The following VAV3 variants were observed in gnomAD, a reference collection of about 807,000 sequenced individuals.
VAV3 encodes guanine nucleotide exchange factor VAV3.
VAV3 carries 94 observed loss-of-function variants against 131.2 expected under a neutral mutation model. The observed-to-expected ratio is 0.72, with a 90% CI of 0.61 to 0.85. The LOEUF is 0.85. Ranked by LOEUF, VAV3 falls within the 40% of genes least tolerant of loss-of-function variation. The pLI is 0.00. For synonymous variants in VAV3, 349 were observed against 342.0 expected (o/e 1.02, Z -0.22); for missense variants, 939 against 1,002.7 (o/e 0.94, Z 0.86).
intron 25 of VAV3, among the ~76,000 whole-genome samples, chr1:107,580,613 G>A (rs1055651212): frequency 2.0e-5 from 3 of 152,092 alleles, no homozygotes; most frequent in Non-Finnish European, 4.4e-5. Flanking sequence ...ACTGTAGCGT[G>A]ACTTATTGTT....
intron 2 of VAV3, among the ~76,000 whole-genome samples, chr1:107,812,206 T>C (rs1430356409): frequency 2.0e-5 from 3 of 152,188 alleles, no homozygotes; most frequent in Admixed American, 6.5e-5. Flanking sequence ...TACATTAAAT[T>C]ACAATGCTGT....
intron 2 of VAV3, among the ~76,000 whole-genome samples, chr1:107,843,550 T>C (rs1387013550): frequency 5.4e-5 from 8 of 148,804 alleles, no homozygotes. Flanking sequence ...TATATATATA[T>C]TTATATATAT....
At chr1:107,609,709 C>T (rs993652513) in intron 22 of VAV3, 7 of 488,312 alleles carry the variant, frequency 1.4e-5, no homozygotes, top group Admixed American at 3.3e-5. Context: ...AATTATCAGT[C>T]TAGGGCACTG....
intron 1 of VAV3, among the ~76,000 whole-genome samples, chr1:107,953,602 C>T (rs1032923919): frequency 3.3e-5 from 5 of 152,064 alleles, no homozygotes; most frequent in Non-Finnish European, 5.9e-5. Context: ...GCTATAAGTA[C>T]AGAAGCCAGA....
intron 1 of VAV3, among the ~76,000 whole-genome samples, chr1:107,947,303 A>G (rs1674316506): frequency 6.6e-6 from 1 of 152,242 alleles, no homozygotes; most frequent in East Asian, 1.9e-4. Flanking sequence ...CAAGTCTTAT[A>G]TTCAATGAAT....
At chr1:107,937,472 AACCATGTAATTCTT>A (rs930233101) in intron 1 of VAV3, among the ~76,000 whole-genome samples, 2 of 152,226 alleles carry the variant, frequency 1.3e-5, no homozygotes, top group African/African-American at 4.8e-5. Context: ...GGAGGACAAG[AACCATGTAATTCTT>A]AAACTTACAC....
At chr1:107,634,874 C>T (rs1179655965) in intron 20 of VAV3, among the ~76,000 whole-genome samples, 3 of 152,062 alleles carry the variant, frequency 2.0e-5, no homozygotes, top group African/African-American at 4.8e-5. Context: ...AAAAAATGCT[C>T]ATCATCACTT....
In VAV3 at chr1:107,772,850, C is replaced by T; in HGVS notation, c.447-7G>A. 1 of 1,608,330 alleles carries T rather than the reference C, an allele frequency of 6.2e-7. No homozygotes were observed. The highest frequency in any genetic ancestry group is 1.3e-5 in the African/African-American group (1 of 74,888). ...ATCTTCCACAAGGGTTTCACTACAACAAAGGATATCATATAAGGTCATTTT... is the reference window on the plus strand; with the variant it reads ...ATCTTCCACAAGGGTTTCACTACAATAAAGGATATCATATAAGGTCATTTT... On this transcript the variant is annotated splice_region_variant and splice_polypyrimidine_tract_variant and intron_variant, in intron 4 of 26. Transcript: ENST00000370056.
intron 2 of VAV3, among the ~76,000 whole-genome samples, chr1:107,796,993 T>C (rs2102289527): frequency 6.6e-6 from 1 of 152,190 alleles, no homozygotes; most frequent in Admixed American, 6.5e-5. Context: ...TAAGTGAAAA[T>C]ACTCCTATAA....
intron 22 of VAV3, among the ~76,000 whole-genome samples, chr1:107,608,681 C>T (rs115841294): frequency 0.025 from 3,845 of 152,180 alleles, 72 homozygotes; most frequent in Non-Finnish European, 0.038. Flanking sequence ...TGGAGGAGGG[C>T]CCGAGGAGAG....
chr1:107,807,061 T>C (rs556330624), intron 2 of VAV3, among the ~76,000 whole-genome samples: 1 of 152,304 alleles, frequency 6.6e-6, no homozygotes, highest in African/African-American at 2.4e-5. Context: ...GTTTTCCATC[T>C]CTGGTTGGTT....
chr1:107,735,513 G>A (rs1444447476), intron 15 of VAV3, among the ~76,000 whole-genome samples: 1 of 152,040 alleles, frequency 6.6e-6, no homozygotes, highest in African/African-American at 2.4e-5. Flanking sequence ...AATAAAAAAT[G>A]ATAAAGGGGA....
At chr1:107,870,782 T>C (rs529483248) in intron 2 of VAV3, among the ~76,000 whole-genome samples, 188 of 152,232 alleles carry the variant, frequency 1.2e-3, no homozygotes, top group African/African-American at 4.4e-3. Context: ...ACTATCCTAT[T>C]GCAATTCAAA....
intron 2 of VAV3, among the ~76,000 whole-genome samples, 193 bp downstream of exon 2, chr1:107,874,708 G>A (rs1670405610): frequency 2.2e-5 from 3 of 136,052 alleles, no homozygotes; most frequent in Non-Finnish European, 4.7e-5. Flanking sequence ...TGGTGTTGTT[G>A]TTGTATGTGT....
chr1:107,944,662 T>C (rs1287671216), intron 1 of VAV3, among the ~76,000 whole-genome samples: 1 of 152,182 alleles, frequency 6.6e-6, no homozygotes, highest in African/African-American at 2.4e-5. Context: ...TGGAGTGCAG[T>C]GGCACAATCT....
At chr1:107,613,755 C>G (rs891724901) in intron 21 of VAV3, among the ~76,000 whole-genome samples, 1 of 152,012 alleles carries the variant, frequency 6.6e-6, no homozygotes, top group Non-Finnish European at 1.5e-5. Flanking sequence ...TTGCCTAGGA[C>G]TTTATGTTAA....
At chr1:107,803,186 C>T (rs1382790941) in intron 2 of VAV3, among the ~76,000 whole-genome samples, 1 of 151,692 alleles carries the variant, frequency 6.6e-6, no homozygotes, top group African/African-American at 2.4e-5. Flanking sequence ...TGTTATGTCG[C>T]CTTTCTTGTT....
At chr1:107,777,147 G>C in intron 4 of VAV3, 84 bp downstream of exon 4, 1 of 1,231,258 alleles carries the variant, frequency 8.1e-7, no homozygotes, top group Non-Finnish European at 1.2e-6. Context: ...CCTTCAGATA[G>C]CTTACTTTAA....
chr1:107,776,556 G>A (rs1665368202), intron 4 of VAV3, among the ~76,000 whole-genome samples: 1 of 152,182 alleles, frequency 6.6e-6, no homozygotes, highest in South Asian at 2.1e-4. Flanking sequence ...CCAGTGTGTT[G>A]GGTGTATGAG....
Sources: allele counts gnomAD v4.1 joint callset (sites outside exome capture counted in the v4.1 genomes callset), GRCh38; gene constraint gnomAD v4.1.1; transcripts MANE v1.5; gene names NCBI Gene and HGNC (gene_info 2026-07-23, HGNC 2026-07-21).